TP53BP1: variants seen among roughly 807,000 people sequenced by gnomAD.
TP53BP1 encodes TP53-binding protein 1.
In TP53BP1, 61 loss-of-function variants were observed where a neutral mutation model predicts 200.8. The observed-to-expected ratio is 0.30, with a 90% CI of 0.25 to 0.38. TP53BP1 has a LOEUF of 0.38. Among genes scored for constraint, TP53BP1 ranks in the 10% least tolerant of loss-of-function variants. The pLI is 1.00. For missense variants in TP53BP1, 2,144 were observed against 2,371.9 expected (o/e 0.90, Z 2.00); for synonymous variants, 822 against 844.3 (o/e 0.97, Z 0.46).
At position 43,493,053 on chromosome 15, in the gene TP53BP1, A is replaced by T. The variant is rs768675106; in HGVS notation, c.-10T>A. The T allele has an allele frequency of 1.2e-6, 2 of 1,613,122 alleles. No homozygotes were observed. The highest frequency in any genetic ancestry group is 1.7e-6 in the Non-Finnish European group (2 of 1,179,700). ...AAACAGTACCAGGCATCCCGGCGGG[A>T]GGTCCCTCGCGCTCGAGCTAGAGGT... On this transcript the variant is annotated 5_prime_UTR_variant, in exon 1 of 28. Coordinates refer to ENST00000382044, the MANE Select transcript of TP53BP1 (RefSeq NM_001141980.3).
At chr15:43,411,771 C>T (rs572740796) in intron 24 of TP53BP1, among the ~76,000 whole-genome samples, 11 of 152,218 alleles carry the variant, frequency 7.2e-5, no homozygotes, top group African/African-American at 2.4e-4. Context: ...AGTTTTATTA[C>T]ATCTCACGCA....
chr15:43,469,290 G>C (rs1240555290), intron 11 of TP53BP1, among the ~76,000 whole-genome samples: 1 of 152,106 alleles, frequency 6.6e-6, no homozygotes, highest in Non-Finnish European at 1.5e-5. Flanking sequence ...GATACCCTAA[G>C]TATAGGATGA....
At chr15:43,407,669 C>T in intron 27 of TP53BP1, 99 bp from the exon 28 acceptor site, 1 of 1,170,696 alleles carries the variant, frequency 8.5e-7, no homozygotes, top group Non-Finnish European at 1.2e-6. Context: ...CCACTCTGCA[C>T]AAACCAAAGC....
intron 21 of TP53BP1, among the ~76,000 whole-genome samples, chr15:43,417,947 G>T (rs1463783617): frequency 6.7e-6 from 1 of 150,128 alleles, no homozygotes; most frequent in Non-Finnish European, 1.5e-5. Flanking sequence ...TGGGAGGCTG[G>T]GGCGGGTGGA....
At chr15:43,493,309 G>A (rs1418719491), upstream of TP53BP1, 1 of 1,121,760 alleles carries the variant, frequency 8.9e-7, no homozygotes, top group African/African-American at 1.6e-5. Context: ...TGGCAGCATG[G>A]ACGTTGCAGG....
At chr15:43,425,490 G>C (rs540004245) in intron 18 of TP53BP1, among the ~76,000 whole-genome samples, 1 of 152,134 alleles carries the variant, frequency 6.6e-6, no homozygotes, top group Non-Finnish European at 1.5e-5. Context: ...ATGTGGTAGC[G>C]TGTGCCTATG....
intron 1 of TP53BP1, among the ~76,000 whole-genome samples, chr15:43,505,238 T>C (rs554746381): frequency 1.4e-4 from 21 of 152,204 alleles, no homozygotes; most frequent in African/African-American, 5.1e-4. Context: ...CTATGAATAC[T>C]TTGGGGAAAA....
chr15:43,475,444 G>A (rs958748000), intron 9 of TP53BP1, 121 bp downstream of exon 9: 1 of 1,177,384 alleles, frequency 8.5e-7, no homozygotes. Context: ...TAATGCATAG[G>A]TTCTACCATT....
intron 16 of TP53BP1, among the ~76,000 whole-genome samples, chr15:43,433,692 G>C (rs772804744): frequency 2.0e-5 from 3 of 152,162 alleles, no homozygotes; most frequent in African/African-American, 2.4e-5. Flanking sequence ...AATCCATTCT[G>C]AACTGACCAT....
chr15:43,435,708 A>G (rs966494322), intron 16 of TP53BP1, among the ~76,000 whole-genome samples: 3 of 150,946 alleles, frequency 2.0e-5, no homozygotes, highest in African/African-American at 4.9e-5. Context: ...TTTTTTTTTA[A>G]TGGATAAGAC....
At chr15:43,509,853 AAAAAC>A (rs566514793) in intron 1 of TP53BP1, among the ~76,000 whole-genome samples, 45 of 152,258 alleles carry the variant, frequency 3.0e-4, no homozygotes, top group Non-Finnish European at 4.7e-4. Flanking sequence ...CAAAAACCCA[AAAAAC>A]AAAACAAAAC....
intron 15 of TP53BP1, among the ~76,000 whole-genome samples, chr15:43,438,854 C>T (rs566051451): frequency 3.3e-5 from 5 of 150,654 alleles, no homozygotes; most frequent in African/African-American, 1.2e-4. Flanking sequence ...TGTAAAACAC[C>T]ATTTATGAGA....
In TP53BP1 at chr15:43,435,693, A is replaced by T. The variant is rs546378277; in HGVS notation, c.3191+2631T>A. Among the ~76,000 whole-genome samples the T allele has an allele frequency of 4.0e-3, 597 of 147,740 alleles. 2 individuals carry two copies. Among genetic ancestry groups the T allele is most frequent in the African/African-American group, 0.014 (558 of 40,254 alleles). ...AATTTAGAAATTATGCTACCTATTA[A>T]TTTTTTTTTTTTTAATGGATAAGAC... On this transcript the variant is annotated intron_variant, in intron 16 of 27. Transcript: ENST00000382044.
intron 4 of TP53BP1, among the ~76,000 whole-genome samples, chr15:43,487,775 C>T (rs2079066242): frequency 7.2e-6 from 1 of 137,994 alleles, no homozygotes; most frequent in African/African-American, 3.1e-5. Context: ...CAGAGCAAGA[C>T]TCCATCTCAA....
chr15:43,419,725 A>G (rs1056889159), intron 21 of TP53BP1, among the ~76,000 whole-genome samples: 8 of 151,896 alleles, frequency 5.3e-5, no homozygotes, highest in Non-Finnish European at 7.4e-5. Context: ...CTCCAGTCTA[A>G]TGAGAAAATA....
At chr15:43,507,871 C>T (rs2079246463) in intron 1 of TP53BP1, among the ~76,000 whole-genome samples, 1 of 152,048 alleles carries the variant, frequency 6.6e-6, no homozygotes, top group Admixed American at 6.6e-5. Flanking sequence ...CACACCACCA[C>T]ACCCGGCTAA....
Position 43,408,071 on chromosome 15 carries a change from G to A in TP53BP1, c.5618C>T (p.Pro1873Leu), listed in dbSNP as rs2044976497. 6.2e-7 allele frequency: 1 copy of A among 1,613,850 alleles called. No homozygotes were observed. The highest frequency in any genetic ancestry group is 8.5e-7 in the Non-Finnish European group (1 of 1,179,944). ...RILDWQPREN[P>L]FQNLKVLLVS... ...CAAGAGTACCTTCAGATTCTGGAAA[G>A]GATTTTCACGGGGTTGCCTATGAAG... The change falls in exon 27 of 28, where the codon CCT (proline) becomes CTT (leucine). Residue 1873 changes from proline (P) to leucine (L), a missense_variant. Physicochemically the swap from Pro to Leu is moderately conservative, Grantham distance 98. This residue lies in a region of TP53BP1 where 334 missense variants were observed against 453.4 expected (regional missense o/e 0.74). Coordinates refer to ENST00000382044, the MANE Select transcript of TP53BP1 (RefSeq NM_001141980.3).
intron 19 of TP53BP1, 86 bp from the exon 20 acceptor site, chr15:43,421,260 G>A: frequency 7.0e-7 from 1 of 1,428,440 alleles, no homozygotes; most frequent in Non-Finnish European, 9.7e-7. Context: ...CAGACTACAT[G>A]ACAGGCCTAC....
chr15:43,510,248 G>A (rs1017627134), intron 1 of TP53BP1: 1 of 152,376 alleles, frequency 6.6e-6, no homozygotes, highest in Non-Finnish European at 1.5e-5. Flanking sequence ...AAGATGGGAA[G>A]GTCTTTCCTA....
Sources: allele counts gnomAD v4.1 joint callset (sites outside exome capture counted in the v4.1 genomes callset), GRCh38; gene constraint gnomAD v4.1.1; regional missense constraint gnomAD v4.1.1; transcripts MANE v1.5; gene names NCBI Gene and HGNC (gene_info 2026-07-23, HGNC 2026-07-21).